The following HACD2 variants were observed in gnomAD, a reference collection of about 807,000 sequenced individuals.
HACD2 encodes 3-hydroxyacyl-CoA dehydratase 2.
Under a neutral mutation model 31.0 loss-of-function variants are expected in HACD2, and 15 were observed. The observed-to-expected ratio is 0.48, with a 90% CI of 0.32 to 0.75. The LOEUF is 0.75. Among genes scored for constraint, HACD2 ranks in the 30% least tolerant of loss-of-function variants. The pLI, the probability that HACD2 is intolerant of heterozygous loss-of-function variation, is 0.03. For missense variants in HACD2, 283 were observed against 313.0 expected, an observed-to-expected ratio of 0.90 and a Z score of 0.72; for synonymous variants, 115 against 122.2, an observed-to-expected ratio of 0.94 and a Z score of 0.39.
intron 2 of HACD2, among the ~76,000 whole-genome samples, chr3:123,577,815 C>A (rs1283540790): frequency 6.6e-6 from 1 of 152,080 alleles, no homozygotes; most frequent in South Asian, 2.1e-4. Flanking sequence ...ATCATGGACT[C>A]CAAAAATGAA....
chr3:123,541,815 A>G (rs746774280), intron 3 of HACD2, among the ~76,000 whole-genome samples: 7 of 152,318 alleles, frequency 4.6e-5, no homozygotes, highest in South Asian at 4.1e-4. Flanking sequence ...TTTGCAACCA[A>G]TGTTTGAAAT....
intron 4 of HACD2, among the ~76,000 whole-genome samples, chr3:123,522,823 A>C (rs937485822): frequency 6.6e-6 from 1 of 152,170 alleles, no homozygotes; most frequent in African/African-American, 2.4e-5. Context: ...AATATAACTC[A>C]ATGGCCTCTG....
chr3:123,580,718 G>A (rs950708832), intron 2 of HACD2, among the ~76,000 whole-genome samples: 6 of 151,134 alleles, frequency 4.0e-5, no homozygotes, highest in Non-Finnish European at 8.8e-5. Flanking sequence ...AGGAGTTCAA[G>A]GCTGCAGTGA....
chr3:123,550,908 G>C (rs1294686956), intron 3 of HACD2, among the ~76,000 whole-genome samples: 1 of 152,170 alleles, frequency 6.6e-6, no homozygotes. Flanking sequence ...CAGGATGCAG[G>C]GAGAAAGAAG....
At position 123,584,854 on chromosome 3, in the gene HACD2, C is replaced by A. The variant is rs1171763253; in HGVS notation, c.155+19G>T. The A allele has an allele frequency of 1.3e-6, 2 of 1,482,588 alleles. No homozygotes were observed. The highest frequency in any genetic ancestry group is 2.9e-5 in the African/African-American group (2 of 68,108). The allele number at this position is 1,482,588 out of a possible 1,614,324, so 91.8% of individuals were successfully genotyped here. A position where few individuals can be genotyped will look rare whatever the true frequency, so the allele number is the denominator to read the frequency against. On this transcript the variant is annotated intron_variant, in intron 1 of 6. Transcript: ENST00000383657. The stretch of plus-strand genomic sequence containing the variant: ...CCCCGGCCGCGCTGGCTCCCCGCCT[C>A]CCCGAGCCCCAGCCTCACCCGGCTG...
At chr3:123,539,139 G>A (rs900652360) in intron 3 of HACD2, among the ~76,000 whole-genome samples, 1 of 152,118 alleles carries the variant, frequency 6.6e-6, no homozygotes, top group African/African-American at 2.4e-5. Flanking sequence ...ATAGATAAAA[G>A]GGGACCCAAA....
intron 3 of HACD2, among the ~76,000 whole-genome samples, chr3:123,537,578 T>TACAC (rs201885124): frequency 0.038 from 5,533 of 144,316 alleles, 118 homozygotes; most frequent in African/African-American, 0.054. Context: ...CAACAACAAA[T>TACAC]ACACATACAC....
In HACD2 at chr3:123,540,591, A is replaced by C. The variant is rs191862416; in HGVS notation, c.293-12117T>G. 4.4e-3 allele frequency among the ~76,000 whole-genome samples: 664 copies of C among 152,310 alleles called. 19 individuals carry two copies. The highest frequency in any genetic ancestry group is 6.2e-3 in the East Asian group (32 of 5,184). ...ACAGTGAGTCAATTGTAAGTCATGG[A>C]AACTTACTCAAATCTCTGTATTATA... On this transcript the variant is annotated intron_variant, in intron 3 of 6. Coordinates refer to ENST00000383657, the MANE Select transcript of HACD2 (RefSeq NM_198402.5).
chr3:123,512,383 C>A (rs2107690689), intron 4 of HACD2, among the ~76,000 whole-genome samples: 1 of 152,302 alleles, frequency 6.6e-6, no homozygotes, highest in South Asian at 2.1e-4. Flanking sequence ...CCAGCCCAAT[C>A]ATCTCAAATA....
intron 6 of HACD2, chr3:123,499,560 C>A: frequency 2.3e-6 from 1 of 443,096 alleles, no homozygotes; most frequent in Non-Finnish European, 4.5e-6. Context: ...CACAGAGGGA[C>A]ACAAGCATGT....
At chr3:123,506,947 T>C (rs2055983765) in intron 4 of HACD2, among the ~76,000 whole-genome samples, 1 of 152,192 alleles carries the variant, frequency 6.6e-6, no homozygotes, top group African/African-American at 2.4e-5. Context: ...TATAAACATA[T>C]GATTTTATTA....
chr3:123,583,081 T>A (rs1266205858), intron 1 of HACD2, among the ~76,000 whole-genome samples: 1 of 152,232 alleles, frequency 6.6e-6, no homozygotes, highest in Non-Finnish European at 1.5e-5. Context: ...TAGTATCAAC[T>A]AGGCAATGGG....
chr3:123,520,407 T>A (rs1398007131), intron 4 of HACD2, among the ~76,000 whole-genome samples: 2 of 152,230 alleles, frequency 1.3e-5, no homozygotes, highest in East Asian at 3.8e-4. Context: ...CTACACTGTC[T>A]AATAGTGCAA....
At chr3:123,533,430 T>C (rs1038159468) in intron 3 of HACD2, among the ~76,000 whole-genome samples, 1 of 152,262 alleles carries the variant, frequency 6.6e-6, no homozygotes, top group Non-Finnish European at 1.5e-5. Context: ...ATTACAGGCA[T>C]GTGCCTGGCA....
chr3:123,573,078 G>A (rs550220221), intron 2 of HACD2, among the ~76,000 whole-genome samples: 4 of 152,294 alleles, frequency 2.6e-5, no homozygotes, highest in East Asian at 1.9e-4. Context: ...ACATGTCCAC[G>A]ACACTTGTTT....
intron 4 of HACD2, among the ~76,000 whole-genome samples, chr3:123,510,251 T>C (rs952134264): frequency 1.3e-5 from 2 of 152,156 alleles, no homozygotes; most frequent in Non-Finnish European, 2.9e-5. Context: ...ATACAGTATA[T>C]GTCTTTATTT....
intron 6 of HACD2, chr3:123,499,485 A>G: frequency 2.7e-6 from 1 of 370,818 alleles, no homozygotes; most frequent in African/African-American, 2.1e-5. Flanking sequence ...GAATTTCTGC[A>G]AGATAAACAC....
At chr3:123,534,840 A>G (rs1203396720) in intron 3 of HACD2, among the ~76,000 whole-genome samples, 1 of 142,936 alleles carries the variant, frequency 7.0e-6, no homozygotes, top group Non-Finnish European at 1.5e-5. Context: ...AAAGTTTTAA[A>G]GAGTAAAAAA....
chr3:123,540,133 T>C (rs956527684), intron 3 of HACD2, among the ~76,000 whole-genome samples: 1 of 151,046 alleles, frequency 6.6e-6, no homozygotes, highest in African/African-American at 2.4e-5. Context: ...TGGTGCTTGG[T>C]TTTTTGAGCC....
Sources: gnomAD v4.1 joint callset for allele counts (sites outside exome capture counted in the v4.1 genomes callset) on GRCh38, gnomAD v4.1.1 for gene constraint, MANE v1.5 for transcripts, NCBI Gene and HGNC (gene_info 2026-07-23, HGNC 2026-07-21) for gene names.